Variants in RPS6KA2 observed in about 807,000 individuals in gnomAD.
RPS6KA2 encodes ribosomal protein S6 kinase A2, also known as ribosomal protein S6 kinase alpha-2.
Under a neutral mutation model 91.8 loss-of-function variants are expected in RPS6KA2, and 42 were observed. That is an observed-to-expected ratio of 0.46 (90% CI 0.36 to 0.59). RPS6KA2 has a LOEUF of 0.59. Among genes scored for constraint, RPS6KA2 ranks in the 20% least tolerant of loss-of-function variants. RPS6KA2 has a pLI of 0.00. For synonymous variants in RPS6KA2, 414 were observed against 393.6 expected, an observed-to-expected ratio of 1.05 and a Z score of -0.61; for missense variants, 798 against 978.5, an observed-to-expected ratio of 0.82 and a Z score of 2.46.
chr6:166,758,533 CAG>C (rs375031804), intron 2 of RPS6KA2, among the ~76,000 whole-genome samples: 98 of 152,310 alleles, frequency 6.4e-4, no homozygotes, highest in Middle Eastern at 3.4e-3. Flanking sequence ...GCGGCAGGTT[CAG>C]AGTCAGACCC....
At chr6:166,531,372 T>A in intron 2 of RPS6KA2, 59 bp from the exon 3 acceptor site, 1 of 1,314,734 alleles carries the variant, frequency 7.6e-7, no homozygotes, top group Non-Finnish European at 1.1e-6. Flanking sequence ...GCTTTCCATA[T>A]TGGATTTGAC....
intron 2 of RPS6KA2, among the ~76,000 whole-genome samples, chr6:166,785,277 C>T (rs936109342): frequency 6.6e-6 from 1 of 152,182 alleles, no homozygotes; most frequent in Admixed American, 6.5e-5. Context: ...CTCTTCACCC[C>T]TCATGTGCCA....
At chr6:166,451,765 G>T (rs913316617) in intron 12 of RPS6KA2, among the ~76,000 whole-genome samples, 1 of 152,232 alleles carries the variant, frequency 6.6e-6, no homozygotes, top group African/African-American at 2.4e-5. Flanking sequence ...CGTTTCTCCT[G>T]TCCACAGCAA....
intron 2 of RPS6KA2, among the ~76,000 whole-genome samples, chr6:166,836,550 G>A (rs987568303): frequency 6.6e-6 from 1 of 151,888 alleles, no homozygotes; most frequent in Non-Finnish European, 1.5e-5. Flanking sequence ...TTCACCTCTG[G>A]TATCACTTCT....
chr6:166,659,727 C>T lies in RPS6KA2; in HGVS notation c.124-120943G>A, dbSNP rs374818665. Among the ~76,000 whole-genome samples, 80 of 152,236 alleles carry T rather than the reference C, an allele frequency of 5.3e-4. No homozygotes were observed. In the South Asian group the frequency reaches 0.014, roughly 26 times the overall value. On this transcript the variant is annotated intron_variant, in intron 2 of 21. Transcript: ENST00000503859. ...GACACGGGTGGGAGCCAGCGCTGGA[C>T]GGCGTGGTGGCTTGACGTCCTTTGC...
chr6:166,433,417 G>A lies in RPS6KA2; in HGVS notation c.1333-927C>T, dbSNP rs564202280. 2.6e-5 allele frequency among the ~76,000 whole-genome samples: 4 copies of A among 152,274 alleles called. No individual in the cohort carries two copies. In the South Asian group the frequency reaches 6.2e-4, roughly 24 times the overall value. On this transcript the variant is annotated intron_variant, in intron 14 of 20. Transcript: ENST00000265678. The surrounding 1 kb of genome is among the most constrained non-coding windows in gnomAD (Gnocchi z 4.4). ...AAGCCTACCTTGGAAACAGGAAGTC[G>A]CTGTTGGTCCCTGGTGGCTAATCCC...
At chr6:166,556,252 C>T (rs145575616) in intron 1 of RPS6KA2, among the ~76,000 whole-genome samples, 1 of 152,292 alleles carries the variant, frequency 6.6e-6, no homozygotes, top group Non-Finnish European at 1.5e-5. Context: ...TGCTCGGGTT[C>T]AGACAGAGCC....
At chr6:166,743,226 A>G (rs1259320360) in intron 2 of RPS6KA2, among the ~76,000 whole-genome samples, 1 of 152,212 alleles carries the variant, frequency 6.6e-6, no homozygotes, top group Non-Finnish European at 1.5e-5. Flanking sequence ...AGGAAACTTC[A>G]CAGCTCACTC....
chr6:166,475,830 G>A (rs762721076), intron 10 of RPS6KA2: 11 of 515,956 alleles, frequency 2.1e-5, no homozygotes, highest in East Asian at 1.2e-4. Context: ...GCAGAGGGCC[G>A]TTTTCTCACC....
chr6:166,479,218 G>A (rs1327772275), intron 10 of RPS6KA2, among the ~76,000 whole-genome samples: 1 of 152,256 alleles, frequency 6.6e-6, no homozygotes, highest in Non-Finnish European at 1.5e-5. Context: ...CGAGCATGAG[G>A]GCCACACTTT....
rs1338601854 is a variant in RPS6KA2, at chr6:166,737,812, C to G, written c.123+120388G>C. ...CGAACTCTAAATTAAACTCAAATCC[C>G]TTTGGTTATTTTTAAATCTGTATTA... is the stretch of plus-strand genomic sequence containing the variant. On this transcript the variant is annotated intron_variant, in intron 2 of 21. Coordinates refer to the RPS6KA2 transcript ENST00000503859. The surrounding 1 kb of genome is among the most constrained non-coding windows in gnomAD (Gnocchi z 4.3). Among the ~76,000 whole-genome samples, 1 of 152,174 alleles carries G rather than the reference C, an allele frequency of 6.6e-6. No individual in the cohort carries two copies. The highest frequency in any genetic ancestry group is 1.5e-5 in the Non-Finnish European group (1 of 68,026).
At position 166,783,784 on chromosome 6, in the gene RPS6KA2, A is replaced by G. The variant is rs1180964515; in HGVS notation, c.123+74416T>C. On this transcript the variant is annotated intron_variant, in intron 2 of 21. Transcript: ENST00000503859. ...TATACACATGTGCACATCTATCTAT[A>G]ACTACATATATACACGTGCACAGTT... Among the ~76,000 whole-genome samples, 2 of 150,536 alleles carry G rather than the reference A, an allele frequency of 1.3e-5. 1 individual carries two copies. Among genetic ancestry groups the G allele is most frequent in the Non-Finnish European group, 3.0e-5 (2 of 67,406 alleles).
chr6:166,528,553 G>A (rs1197882030), intron 3 of RPS6KA2, among the ~76,000 whole-genome samples: 2 of 149,948 alleles, frequency 1.3e-5, no homozygotes, highest in African/African-American at 4.9e-5. Context: ...GGCAACAAAA[G>A]CCAAAATTAA....
chr6:166,779,000 C>T (rs925197928), intron 2 of RPS6KA2, among the ~76,000 whole-genome samples: 3 of 152,236 alleles, frequency 2.0e-5, no homozygotes, highest in African/African-American at 4.8e-5. Context: ...CTTGAAAATG[C>T]GCAAATCTTG....
intron 1 of RPS6KA2, among the ~76,000 whole-genome samples, chr6:166,596,786 C>T (rs1370590344): frequency 6.6e-6 from 1 of 152,196 alleles, no homozygotes; most frequent in Non-Finnish European, 1.5e-5. Flanking sequence ...TGTCCCTCTA[C>T]AGAACCCTGA....
Position 166,626,790 on chromosome 6 carries a change from C to T in RPS6KA2, c.99+131G>A. 1 of 738,530 alleles carries T rather than the reference C, an allele frequency of 1.4e-6. No homozygotes were observed. The allele number at this position is 738,530 out of a possible 1,614,324, so 45.7% of individuals were successfully genotyped here. A position where few individuals can be genotyped will look rare whatever the true frequency, so the allele number is the denominator to read the frequency against. The stretch of plus-strand genomic sequence containing the variant: ...AGCCGTTTGGTTCGATTTTCGGAAC[C>T]GGACCAGCTTTCCAGTAACTTGAAC... On this transcript the variant is annotated intron_variant, in intron 1 of 20. Transcript: ENST00000265678. The surrounding 1 kb of genome is among the most constrained non-coding windows in gnomAD (Gnocchi z 4.1).
At chr6:166,817,199 T>C (rs1779787154) in intron 2 of RPS6KA2, among the ~76,000 whole-genome samples, 1 of 87,926 alleles carries the variant, frequency 1.1e-5, no homozygotes, top group African/African-American at 3.0e-5. Context: ...CTTCCCCTGC[T>C]GCTCCCCCCT....
chr6:166,527,642 A>C (rs967276138), intron 3 of RPS6KA2, among the ~76,000 whole-genome samples: 1 of 152,198 alleles, frequency 6.6e-6, no homozygotes, highest in Admixed American at 6.5e-5. Context: ...AGAGTTGTGT[A>C]CCATCGGTGG....
chr6:166,430,986 G>A (rs556147976), intron 15 of RPS6KA2, among the ~76,000 whole-genome samples: 13 of 152,126 alleles, frequency 8.5e-5, no homozygotes, highest in African/African-American at 2.9e-4. Context: ...GTGCAGTGGC[G>A]CCATCTCAGC....
Sources: gnomAD v4.1 joint callset for allele counts (sites outside exome capture counted in the v4.1 genomes callset) on GRCh38, gnomAD v4.1.1 for gene constraint, Gnocchi (gnomAD v3.1) non-coding constraint, MANE v1.5 for transcripts, NCBI Gene and HGNC (gene_info 2026-07-23, HGNC 2026-07-21) for gene names.